ATP6V0D2: variants seen among roughly 807,000 people sequenced by gnomAD.
ATP6V0D2 encodes the protein V-type proton ATPase subunit d 2.
A neutral mutation model predicts 40.0 loss-of-function variants in ATP6V0D2; 40 were observed. The ratio of observed to expected loss-of-function variants is 1.00; its 90% CI spans 0.78 to 1.30. The LOEUF (loss-of-function observed/expected upper bound fraction) is 1.30, where lower values mean the gene tolerates loss of function less well. Ranked by LOEUF, ATP6V0D2 falls within the 50% of genes most tolerant of loss-of-function variation. The pLI is 0.00. For synonymous variants in ATP6V0D2, 179 were observed against 156.3 expected (o/e 1.15, Z -1.08); for missense variants, 470 against 423.1 (o/e 1.11, Z -0.97).
intron 2 of ATP6V0D2, among the ~76,000 whole-genome samples, chr8:86,134,514 A>G (rs1818870987): frequency 6.6e-6 from 1 of 152,188 alleles, no homozygotes; most frequent in African/African-American, 2.4e-5. Flanking sequence ...CATAGAGGAA[A>G]TATAAGTTAT....
chr8:86,134,903 A>T (rs1268366946), intron 2 of ATP6V0D2, among the ~76,000 whole-genome samples: 1 of 152,244 alleles, frequency 6.6e-6, no homozygotes, highest in Admixed American at 6.5e-5. Flanking sequence ...TCTCAAGAAC[A>T]CTGAGCAGAG....
intron 2 of ATP6V0D2, among the ~76,000 whole-genome samples, chr8:86,126,661 A>G (rs886276981): frequency 2.0e-5 from 3 of 152,170 alleles, no homozygotes; most frequent in Admixed American, 6.5e-5. Flanking sequence ...ATAAATATAA[A>G]TACAGAAATT....
At position 86,146,913 on chromosome 8, in the gene ATP6V0D2, C is replaced by T. The variant is rs117477285; in HGVS notation, c.640-3199C>T. Among the ~76,000 whole-genome samples, 639 of 151,902 alleles carry T rather than the reference C, an allele frequency of 4.2e-3. 12 individuals carry two copies. In the East Asian group the frequency reaches 0.052, roughly 12 times the overall value. ...TATATTCTCAATTACTCTCATTTGGCCAGAGACTTCAAGAGACTTAATATG... is the reference window on the plus strand; with the variant it reads ...TATATTCTCAATTACTCTCATTTGGTCAGAGACTTCAAGAGACTTAATATG... On this transcript the variant is annotated intron_variant, in intron 5 of 7. Coordinates refer to ENST00000285393, the MANE Select transcript of ATP6V0D2 (RefSeq NM_152565.1).
At chr8:86,115,601 C>A (rs760550783) in intron 2 of ATP6V0D2, among the ~76,000 whole-genome samples, 2 of 151,576 alleles carry the variant, frequency 1.3e-5, no homozygotes, top group African/African-American at 2.4e-5. Context: ...AGCTTCCAAC[C>A]GCAGGTAATC....
At chr8:86,137,998 G>A (rs1818920293) in intron 2 of ATP6V0D2, among the ~76,000 whole-genome samples, 1 of 152,094 alleles carries the variant, frequency 6.6e-6, no homozygotes, top group African/African-American at 2.4e-5. Flanking sequence ...ATTTACATAG[G>A]TCATAATATT....
At chr8:86,151,246 A>G (rs1032201540) in intron 6 of ATP6V0D2, among the ~76,000 whole-genome samples, 4 of 152,292 alleles carry the variant, frequency 2.6e-5, no homozygotes, top group Non-Finnish European at 2.9e-5. Flanking sequence ...ATTGCCTTGT[A>G]GCCCTGAACA....
intron 1 of ATP6V0D2, among the ~76,000 whole-genome samples, chr8:86,107,774 G>A (rs935882287): frequency 3.3e-5 from 5 of 152,280 alleles, no homozygotes; most frequent in Non-Finnish European, 7.4e-5. Flanking sequence ...TAATCGAAGT[G>A]CCAGATGTTA....
chr8:86,118,147 G>A (rs1228447626), intron 2 of ATP6V0D2, among the ~76,000 whole-genome samples: 31 of 117,418 alleles, frequency 2.6e-4, no homozygotes, highest in African/African-American at 8.2e-4. Flanking sequence ...GTGAACCTCC[G>A]CCTCCCGGGT....
chr8:86,119,697 T>A (rs957038678), intron 2 of ATP6V0D2, among the ~76,000 whole-genome samples: 1 of 152,218 alleles, frequency 6.6e-6, no homozygotes, highest in Non-Finnish European at 1.5e-5. Context: ...AAAAATTATG[T>A]ACAAAAATAC....
intron 2 of ATP6V0D2, among the ~76,000 whole-genome samples, chr8:86,127,673 C>G (rs1258749145): frequency 6.6e-6 from 1 of 152,122 alleles, no homozygotes; most frequent in African/African-American, 2.4e-5. Flanking sequence ...ATCCGCCTGC[C>G]TTGGCTTCCC....
At chr8:86,145,368 AG>A (rs1554589930) in intron 5 of ATP6V0D2, among the ~76,000 whole-genome samples, 3 of 65,914 alleles carry the variant, frequency 4.6e-5, no homozygotes, top group African/African-American at 9.7e-5. Context: ...GAAGGAAGGA[AG>A]GAAGGAAAGA....
At chr8:86,149,812 C>T (rs535101288) in intron 5 of ATP6V0D2, among the ~76,000 whole-genome samples, 18 of 152,178 alleles carry the variant, frequency 1.2e-4, no homozygotes, top group Non-Finnish European at 2.2e-4. Context: ...GTGACACTAG[C>T]GGCCTAATGT....
chr8:86,122,266 G>A (rs2130249823), intron 2 of ATP6V0D2, among the ~76,000 whole-genome samples: 1 of 152,120 alleles, frequency 6.6e-6, no homozygotes, highest in South Asian at 2.1e-4. Context: ...TGTCATCTTC[G>A]GTACTTAAAC....
chr8:86,151,323 C>T, intron 6 of ATP6V0D2, 143 bp from the exon 7 acceptor site: 1 of 623,128 alleles, frequency 1.6e-6, no homozygotes, highest in Non-Finnish European at 2.7e-6. Flanking sequence ...CTTCGGGAGG[C>T]CAAAATCCTA....
intron 1 of ATP6V0D2, among the ~76,000 whole-genome samples, chr8:86,103,477 G>A (rs975383666): frequency 9.2e-5 from 14 of 151,828 alleles, no homozygotes; most frequent in Admixed American, 2.0e-4. Context: ...AGGGAATTAG[G>A]GAAGCTGATT....
chr8:86,146,404 A>G (rs1000354235), intron 5 of ATP6V0D2, among the ~76,000 whole-genome samples: 1 of 152,188 alleles, frequency 6.6e-6, no homozygotes. Flanking sequence ...ACAGCATTAA[A>G]AAAAAATCCA....
chr8:86,150,014 A>G, intron 5 of ATP6V0D2, 98 bp from the exon 6 acceptor site: 1 of 1,165,662 alleles, frequency 8.6e-7, no homozygotes, highest in East Asian at 2.4e-5. Flanking sequence ...TCCAGAAAGG[A>G]AAGCGAATCA....
At chr8:86,101,381 G>A (rs1236907662) in intron 1 of ATP6V0D2, among the ~76,000 whole-genome samples, 3 of 146,852 alleles carry the variant, frequency 2.0e-5, no homozygotes, top group East Asian at 2.0e-4. Context: ...GATGGCTTGA[G>A]CCCAAAAGGT....
At chr8:86,142,995 G>T in intron 5 of ATP6V0D2, 41 bp downstream of exon 5, 1 of 1,402,302 alleles carries the variant, frequency 7.1e-7, no homozygotes, top group Admixed American at 1.9e-5. Flanking sequence ...TAAATAAGGT[G>T]CTTACATATT....
Sources: allele counts gnomAD v4.1 joint callset (sites outside exome capture counted in the v4.1 genomes callset), GRCh38; gene constraint gnomAD v4.1.1; transcripts MANE v1.5; gene names NCBI Gene and HGNC (gene_info 2026-07-23, HGNC 2026-07-21).